Variants in PAK3 observed in about 807,000 individuals in gnomAD.
PAK3 encodes the protein p21 (RAC1) activated kinase 3, also known as serine/threonine-protein kinase PAK 3.
Under a neutral mutation model 41.0 loss-of-function variants are expected in PAK3, and 4 were observed. The ratio of observed to expected loss-of-function variants is 0.10; its 90% CI spans 0.05 to 0.22. The LOEUF (loss-of-function observed/expected upper bound fraction) is 0.22, where lower values mean the gene tolerates loss of function less well. PAK3 is among the 10% of genes least tolerant of loss of function. The pLI is 1.00. For missense variants in PAK3, 205 were observed against 409.9 expected (o/e 0.50, Z 4.32); for synonymous variants, 146 against 139.6 (o/e 1.05, Z -0.32).
intron 1 of PAK3, among the ~76,000 whole-genome samples, chrX:111,032,339 GT>G (rs750914092): frequency 8.9e-6 from 1 of 111,802 alleles, no homozygotes; most frequent in Admixed American, 9.5e-5. Flanking sequence ...TGTAACTATA[GT>G]TTTTTAAAAA....
rs2093032599 is a variant in PAK3, at chrX:111,097,616, A to G, written c.-244A>G. The G allele has an allele frequency of 9.0e-6, 1 of 110,910 alleles. No individual in the cohort carries two copies. The highest frequency in any genetic ancestry group is 3.3e-5 in the African/African-American group (1 of 30,381). 9.1% of individuals were successfully genotyped at this position (110,910 alleles called of 1,213,427 possible). On this transcript the variant is annotated 5_prime_UTR_variant, in exon 3 of 18. Coordinates refer to ENST00000372007, the MANE Select transcript of PAK3 (RefSeq NM_002578.5). ...AGTGTATGGCTGTCTGAGGTATTGG[A>G]ACAGAAGGAGGTCCATTCCTGTTGG...
chrX:111,122,014 G>A (rs377482504), intron 4 of PAK3, among the ~76,000 whole-genome samples: 1 of 110,192 alleles, frequency 9.1e-6, no homozygotes, highest in African/African-American at 3.3e-5. Context: ...CAGCACTTTG[G>A]GAGGCCGAGG....
At chrX:110,974,412 A>T (rs954066536) in intron 1 of PAK3, among the ~76,000 whole-genome samples, 4 of 112,301 alleles carry the variant, frequency 3.6e-5, no homozygotes, top group African/African-American at 1.3e-4. Context: ...TAAACCAGGA[A>T]GAAGTTGAAT....
rs768267734 is a variant in PAK3, at chrX:111,040,029, A to G, written c.-27-83048A>G. Among the ~76,000 whole-genome samples the G allele has an allele frequency of 1.4e-4, 15 of 109,780 alleles. No homozygotes were observed. The East Asian group carries it at 4.3e-3, about 31-fold the overall frequency. ...AAAAAAAAAAGAAGAATCAAAAAGA[A>G]AGAAAGAAAAAAAAATGTCTCCAAG... On this transcript the variant is annotated intron_variant, in intron 1 of 14. Coordinates refer to the PAK3 transcript ENST00000425146.
At chrX:110,993,967 T>C (rs1450586799) in intron 1 of PAK3, among the ~76,000 whole-genome samples, 1 of 112,208 alleles carries the variant, frequency 8.9e-6, no homozygotes, top group Non-Finnish European at 1.9e-5. Flanking sequence ...CCTGCTCTTT[T>C]CACTTACAAT....
intron 1 of PAK3, among the ~76,000 whole-genome samples, chrX:110,990,958 A>C (rs1047586340): frequency 9.1e-6 from 1 of 110,041 alleles, no homozygotes; most frequent in Non-Finnish European, 1.9e-5. Context: ...GCAAAACCTC[A>C]TCTCTAAAAA....
intron 1 of PAK3, among the ~76,000 whole-genome samples, chrX:110,979,355 G>A (rs1452581394): frequency 1.0e-5 from 1 of 95,561 alleles, no homozygotes; most frequent in Non-Finnish European, 2.0e-5. Context: ...CTGGAGTGCA[G>A]TGGCGCCATC....
At chrX:111,179,048 TATG>T (rs1267368729) in intron 11 of PAK3, among the ~76,000 whole-genome samples, 1 of 106,300 alleles carries the variant, frequency 9.4e-6, no homozygotes, top group Non-Finnish European at 1.9e-5. Flanking sequence ...AAAGTCTACT[TATG>T]ATGTTTGTTA....
chrX:111,204,009 C>G (rs1798994306), intron 16 of PAK3, among the ~76,000 whole-genome samples: 1 of 111,339 alleles, frequency 9.0e-6, no homozygotes, highest in South Asian at 3.8e-4. Flanking sequence ...AAACCTATGC[C>G]TAAAAGGAGG....
At position 111,138,126 on chromosome X, in the gene PAK3, G is replaced by A. The variant is rs1346384834; in HGVS notation, c.176-3970G>A. ...TTGGTTCTGGAGACAAAGTGGGGAC[G>A]TAGATTCAAATCCTGGCTCTGATAT... is the stretch of plus-strand genomic sequence containing the variant. On this transcript the variant is annotated intron_variant, in intron 5 of 17. Transcript: ENST00000372007. Among the ~76,000 whole-genome samples the A allele has an allele frequency of 5.5e-5, 6 of 108,640 alleles. No homozygotes were observed. In the Admixed American group the frequency reaches 6.0e-4, roughly 11 times the overall value. 94.3% of individuals were successfully genotyped at this position (108,640 alleles called of 115,157 possible). A position where few individuals can be genotyped will look rare whatever the true frequency, so the allele number is the denominator to read the frequency against.
At position 110,949,576 on chromosome X, in the gene PAK3, A is replaced by G. The variant is rs374496061; in HGVS notation, c.-28+4948A>G. The stretch of plus-strand genomic sequence containing the variant: ...CTGCTTGCTGTTGGTATTGGTACAC[A>G]GCCTAGGGTGACTGGTAGAAGCTCC... On this transcript the variant is annotated intron_variant, in intron 1 of 14. Transcript: ENST00000425146. 5.4e-3 allele frequency among the ~76,000 whole-genome samples: 600 copies of G among 111,143 alleles called. 5 individuals carry two copies. The highest frequency in any genetic ancestry group is 0.019 in the African/African-American group (573 of 30,595).
chrX:110,985,908 C>A (rs1386960304), intron 1 of PAK3, among the ~76,000 whole-genome samples: 1 of 111,187 alleles, frequency 9.0e-6, no homozygotes, highest in Non-Finnish European at 1.9e-5. Flanking sequence ...CCACTGATTT[C>A]TTTTTCAAAC....
chrX:111,017,163 G>A (rs901023353), intron 1 of PAK3, among the ~76,000 whole-genome samples: 5 of 110,812 alleles, frequency 4.5e-5, no homozygotes, highest in Non-Finnish European at 9.5e-5. Flanking sequence ...ACACCTTAAG[G>A]AATTAAAAAA....
At chrX:110,964,826 A>T (rs1006491880) in intron 1 of PAK3, among the ~76,000 whole-genome samples, 2 of 111,601 alleles carry the variant, frequency 1.8e-5, no homozygotes, top group Middle Eastern at 4.6e-3. Flanking sequence ...GAGGAGGGGG[A>T]GAAGGAAGCT....
At chrX:111,216,153 T>G (rs1413208757) in intron 16 of PAK3, among the ~76,000 whole-genome samples, 1 of 111,988 alleles carries the variant, frequency 8.9e-6, no homozygotes, top group Non-Finnish European at 1.9e-5. Context: ...TATATGTGGG[T>G]TTTTACTGGC....
At chrX:111,203,308 T>A (rs1014338441) in intron 16 of PAK3, among the ~76,000 whole-genome samples, 1 of 112,303 alleles carries the variant, frequency 8.9e-6, no homozygotes, top group African/African-American at 3.2e-5. Flanking sequence ...ATTCTCTGAT[T>A]TACCAGTTGA....
chrX:111,104,798 A>G (rs2093222550), intron 4 of PAK3, among the ~76,000 whole-genome samples: 1 of 110,907 alleles, frequency 9.0e-6, no homozygotes, highest in Non-Finnish European at 1.9e-5. Context: ...TATACAAGTG[A>G]TACTAGCTGA....
chrX:111,196,822 A>G (rs1343328882), intron 16 of PAK3, among the ~76,000 whole-genome samples, 182 bp downstream of exon 16: 1 of 107,904 alleles, frequency 9.3e-6, no homozygotes, highest in African/African-American at 3.4e-5. Context: ...CAATGTCTCA[A>G]CAGTTTTCCT....
At chrX:111,045,818 C>T (rs1474425842) in intron 1 of PAK3, among the ~76,000 whole-genome samples, 2 of 111,467 alleles carry the variant, frequency 1.8e-5, no homozygotes, top group Non-Finnish European at 3.8e-5. Flanking sequence ...TGGACCATGG[C>T]GAGGCTAAGC....
Sources: gnomAD v4.1 joint callset for allele counts (sites outside exome capture counted in the v4.1 genomes callset) on GRCh38, gnomAD v4.1.1 for gene constraint, MANE v1.5 for transcripts, NCBI Gene and HGNC (gene_info 2026-07-23, HGNC 2026-07-21) for gene names.